The following CYTH4 variants were observed in gnomAD, a reference collection of about 807,000 sequenced individuals.
The protein encoded by CYTH4 is cytohesin-4.
Under a neutral mutation model 57.5 loss-of-function variants are expected in CYTH4, and 22 were observed. That is an observed-to-expected ratio of 0.38 (90% CI 0.27 to 0.55). The LOEUF (loss-of-function observed/expected upper bound fraction) is 0.55, where lower values mean the gene tolerates loss of function less well. CYTH4 is among the 20% of genes least tolerant of loss of function. The pLI is 0.74. For synonymous variants in CYTH4, 186 were observed against 206.5 expected (o/e 0.90, Z 0.85); for missense variants, 420 against 535.6 (o/e 0.78, Z 2.13).
intron 1 of CYTH4, among the ~76,000 whole-genome samples, chr22:37,287,164 C>G (rs887304713): frequency 6.6e-6 from 1 of 152,090 alleles, no homozygotes; most frequent in African/African-American, 2.4e-5. Context: ...ATGGTTGGAT[C>G]TGAAGCTCAG....
At position 37,295,249 on chromosome 22, in the gene CYTH4, G is replaced by A. The variant is rs1385687297; in HGVS notation, c.167+525G>A. On this transcript the variant is annotated intron_variant, in intron 3 of 12. Coordinates refer to ENST00000248901, the MANE Select transcript of CYTH4 (RefSeq NM_013385.5). The surrounding 1 kb of genome is among the most constrained non-coding windows in gnomAD (Gnocchi z 4.1). ...CATCTGTGCAACAAGAAGGTTGGTT[G>A]CTACACAGTCTCCTAAGGCCCCAGT... is the stretch of plus-strand genomic sequence containing the variant. Among the ~76,000 whole-genome samples, 1 of 152,046 alleles carries A rather than the reference G, an allele frequency of 6.6e-6. No homozygotes were observed. The highest frequency in any genetic ancestry group is 1.9e-4 in the East Asian group (1 of 5,176).
In CYTH4 at chr22:37,297,563, G is replaced by A; in HGVS notation, c.235-1G>A. 6.2e-7 allele frequency: 1 copy of A among 1,613,214 alleles called. No homozygotes were observed. The highest frequency in any genetic ancestry group is 8.5e-7 in the Non-Finnish European group (1 of 1,179,458). ...TCACGGCTTCTGTGTACCCCCTCCAGGGTATCCAGTATTTCATTGAGCACA... is the reference window on the plus strand; with the variant it reads ...TCACGGCTTCTGTGTACCCCCTCCAAGGTATCCAGTATTTCATTGAGCACA... On this transcript the variant is annotated splice_acceptor_variant, in intron 4 of 12. Transcript: ENST00000248901. LOFTEE classifies it high-confidence loss of function.
At position 37,300,207 on chromosome 22, in the gene CYTH4, T is replaced by C. The variant is rs144363435; in HGVS notation, c.435-700T>C. ...TTGGAGGGTGAGTAGGAGTTCACAA[T>C]ACAGAGAAGGAAGAAGCCACCACCA... On this transcript the variant is annotated intron_variant, in intron 6 of 12. Coordinates refer to ENST00000248901, the MANE Select transcript of CYTH4 (RefSeq NM_013385.5). 397 of 717,378 alleles carry C rather than the reference T, an allele frequency of 5.5e-4. 3 individuals carry two copies. In the East Asian group the frequency reaches 0.01, roughly 19 times the overall value. 44.4% of individuals were successfully genotyped at this position (717,378 alleles called of 1,614,324 possible). A position where few individuals can be genotyped will look rare whatever the true frequency, so the allele number is the denominator to read the frequency against.
intron 8 of CYTH4, chr22:37,304,415 G>A (rs985243163): frequency 9.1e-5 from 34 of 372,018 alleles, no homozygotes; most frequent in African/African-American, 6.2e-4. Flanking sequence ...ATAAGAACAG[G>A]AAGGAGAGAT....
At chr22:37,291,537 G>A (rs573096732) in intron 1 of CYTH4, among the ~76,000 whole-genome samples, 96 of 152,228 alleles carry the variant, frequency 6.3e-4, no homozygotes, top group Non-Finnish European at 1.1e-3. Context: ...TACAGGAGCG[G>A]CCTGGGCAAA....
chr22:37,303,901 C>T (rs115190067), intron 8 of CYTH4, among the ~76,000 whole-genome samples: 3 of 152,218 alleles, frequency 2.0e-5, no homozygotes, highest in African/African-American at 7.2e-5. Context: ...AGCCTGCACC[C>T]CTGCCACACC....
intron 1 of CYTH4, 68 bp from the exon 2 acceptor site, chr22:37,292,553 T>C: frequency 6.5e-7 from 1 of 1,541,280 alleles, no homozygotes; most frequent in Non-Finnish European, 8.9e-7. Context: ...AAGGGGGCCC[T>C]GCAGAAGTGA....
chr22:37,313,281 C>T (rs1417211166), intron 12 of CYTH4, among the ~76,000 whole-genome samples, 158 bp from the exon 13 acceptor site: 1 of 152,230 alleles, frequency 6.6e-6, no homozygotes, highest in African/African-American at 2.4e-5. Flanking sequence ...TCTGGACTTA[C>T]CCTGGCACAG....
At chr22:37,293,326 A>G (rs1928818344) in intron 2 of CYTH4, among the ~76,000 whole-genome samples, 1 of 152,136 alleles carries the variant, frequency 6.6e-6, no homozygotes, top group South Asian at 2.1e-4. Flanking sequence ...AGCACCTACT[A>G]TATGCCAGGA....
chr22:37,299,818 A>G (rs75663383), intron 6 of CYTH4, among the ~76,000 whole-genome samples: 2,073 of 152,286 alleles, frequency 0.014, 48 homozygotes, highest in African/African-American at 0.047. Context: ...TAAGCAAGCC[A>G]TACACATGCA....
At chr22:37,283,885 G>A (rs550049035) in intron 1 of CYTH4, among the ~76,000 whole-genome samples, 4 of 119,762 alleles carry the variant, frequency 3.3e-5, no homozygotes, top group South Asian at 5.5e-4. Context: ...GGGATGAGGG[G>A]GGGAGGGCAC....
At chr22:37,294,361 G>A (rs1928869412) in intron 2 of CYTH4, among the ~76,000 whole-genome samples, 1 of 151,978 alleles carries the variant, frequency 6.6e-6, no homozygotes, top group Admixed American at 6.6e-5. Context: ...GAGATGGGAA[G>A]GTTGGAAAAA....
chr22:37,306,936 G>GA (rs1929418745), intron 8 of CYTH4, among the ~76,000 whole-genome samples: 1 of 152,232 alleles, frequency 6.6e-6, no homozygotes, highest in African/African-American at 2.4e-5. Flanking sequence ...TAATCAGCCA[G>GA]ATGTGAGTCA....
Position 37,295,877 on chromosome 22 carries a change from G to A in CYTH4, c.168-122G>A, listed in dbSNP as rs183662549. The stretch of plus-strand genomic sequence containing the variant: ...CCCAGGTGGTTCCCATGCAGGACCC[G>A]GAGGCCACACTTGGAGGGCCCTAGA... On this transcript the variant is annotated intron_variant, in intron 3 of 12. Transcript: ENST00000248901. This position sits in a 1 kb window ranked among gnomAD's most constrained non-coding sequence, Gnocchi z 4.1. 1.1e-5 allele frequency: 11 copies of A among 1,009,570 alleles called. 1 individual carries two copies. In the East Asian group the frequency reaches 1.8e-4, roughly 17 times the overall value. 62.5% of individuals were successfully genotyped at this position (1,009,570 alleles called of 1,614,324 possible).
intron 1 of CYTH4, among the ~76,000 whole-genome samples, chr22:37,285,857 C>T (rs1054996307): frequency 6.6e-6 from 1 of 152,156 alleles, no homozygotes; most frequent in South Asian, 2.1e-4. Context: ...ACAGCAAGCC[C>T]GGGGCCATCA....
At chr22:37,303,878 C>T (rs900700779) in intron 8 of CYTH4, among the ~76,000 whole-genome samples, 2 of 152,234 alleles carry the variant, frequency 1.3e-5, no homozygotes, top group East Asian at 1.9e-4. Flanking sequence ...AACCTCCGGT[C>T]GCTTCCTCAA....
chr22:37,287,292 G>A (rs977472096), intron 1 of CYTH4, among the ~76,000 whole-genome samples: 4 of 152,008 alleles, frequency 2.6e-5, no homozygotes, highest in Non-Finnish European at 5.9e-5. Flanking sequence ...GGAGCTTCAG[G>A]AGCCCCATCA....
intron 6 of CYTH4, chr22:37,300,004 TAAAC>T (rs1015863469): frequency 7.0e-6 from 5 of 713,276 alleles, no homozygotes; most frequent in African/African-American, 7.0e-5. Flanking sequence ...AAAAAATAAA[TAAAC>T]CTTCCTGTGC....
Position 37,295,709 on chromosome 22 carries a change from C to G in CYTH4, c.168-290C>G, listed in dbSNP as rs559634705. The stretch of plus-strand genomic sequence containing the variant: ...CGTGCTCAGCCCTCGCCCCCTCCCC[C>G]GGTTTCTTGCACAGGGCCCCTCCAC... On this transcript the variant is annotated intron_variant, in intron 3 of 12. Transcript: ENST00000248901. This position sits in a 1 kb window ranked among gnomAD's most constrained non-coding sequence, Gnocchi z 4.1. Among the ~76,000 whole-genome samples the G allele has an allele frequency of 6.6e-6, 1 of 152,238 alleles. No individual in the cohort carries two copies. The highest frequency in any genetic ancestry group is 1.9e-4 in the East Asian group (1 of 5,194).
Sources: allele counts gnomAD v4.1 joint callset (sites outside exome capture counted in the v4.1 genomes callset), GRCh38; gene constraint gnomAD v4.1.1; non-coding constraint Gnocchi (gnomAD v3.1); transcripts MANE v1.5; gene names NCBI Gene and HGNC (gene_info 2026-07-23, HGNC 2026-07-21).